The following CCDC148 variants were observed in gnomAD, a reference collection of about 807,000 sequenced individuals.
CCDC148 encodes coiled-coil domain-containing protein 148.
Under a neutral mutation model 85.7 loss-of-function variants are expected in CCDC148, and 89 were observed. The ratio of observed to expected loss-of-function variants is 1.04; its 90% CI spans 0.87 to 1.24. The LOEUF (loss-of-function observed/expected upper bound fraction) is 1.24, where lower values mean the gene tolerates loss of function less well. Ranked by LOEUF, CCDC148 falls within the 50% of genes most tolerant of loss-of-function variation. The probability of loss-of-function intolerance (pLI) is 0.00; values close to 1 mark genes in which losing one functional copy is unlikely to be tolerated. For missense variants in CCDC148, 692 were observed against 671.7 expected (o/e 1.03, Z -0.33); for synonymous variants, 230 against 213.9 (o/e 1.08, Z -0.66).
At chr2:158,247,492 T>C (rs1688614316) in intron 10 of CCDC148, among the ~76,000 whole-genome samples, 1 of 152,016 alleles carries the variant, frequency 6.6e-6, no homozygotes, top group Non-Finnish European at 1.5e-5. Flanking sequence ...GAACAAAACT[T>C]TGGAAACTTA....
chr2:158,372,960 C>A (rs1457345158), intron 1 of CCDC148, among the ~76,000 whole-genome samples: 1 of 152,012 alleles, frequency 6.6e-6, no homozygotes, highest in Non-Finnish European at 1.5e-5. Context: ...AGGTCGTAAT[C>A]CTCAGAACTT....
rs928217602 is a variant in CCDC148, at chr2:158,250,991, T to C, written c.1111-79A>G. ...CATAGGTCATAATAAGACTAGGCTC[T>C]ATATCAAGCAGATGTCACTTTTTTT... On this transcript the variant is annotated intron_variant, in intron 9 of 13. Transcript: ENST00000283233. 11 of 1,296,476 alleles carry C rather than the reference T, an allele frequency of 8.5e-6. No individual in the cohort carries two copies. The Middle Eastern group carries it at 5.7e-4, about 67-fold the overall frequency. 80.3% of individuals were successfully genotyped at this position (1,296,476 alleles called of 1,614,324 possible). A position where few individuals can be genotyped will look rare whatever the true frequency, so the allele number is the denominator to read the frequency against.
At chr2:158,254,112 A>G (rs1256723715) in intron 9 of CCDC148, among the ~76,000 whole-genome samples, 1 of 151,754 alleles carries the variant, frequency 6.6e-6, no homozygotes, top group Non-Finnish European at 1.5e-5. Context: ...ATAGACATTT[A>G]TGGAACATAT....
rs530964987 is a variant in CCDC148, at chr2:158,223,436, C to T, written c.1252-2723G>A. On this transcript the variant is annotated intron_variant, in intron 10 of 13. Coordinates refer to ENST00000283233, the MANE Select transcript of CCDC148 (RefSeq NM_138803.4). Reference sequence around the variant, plus strand: ...AAAAGGCAGCAGAAACCTCTGCAGACTTAAATGTCCCTGTCTGACAGCTTT... The same window carrying T: ...AAAAGGCAGCAGAAACCTCTGCAGATTTAAATGTCCCTGTCTGACAGCTTT... 2.6e-5 allele frequency among the ~76,000 whole-genome samples: 4 copies of T among 152,314 alleles called. No individual in the cohort carries two copies. The East Asian group carries it at 7.7e-4, about 29-fold the overall frequency.
chr2:158,417,831 T>TC (rs1166557780), intron 1 of CCDC148, among the ~76,000 whole-genome samples: 1 of 151,996 alleles, frequency 6.6e-6, no homozygotes, highest in Non-Finnish European at 1.5e-5. Context: ...CATTTGTAGA[T>TC]CCCCCTGAGG....
chr2:158,391,507 CT>C (rs1354704294), intron 1 of CCDC148, among the ~76,000 whole-genome samples: 1 of 152,136 alleles, frequency 6.6e-6, no homozygotes, highest in African/African-American at 2.4e-5. Context: ...GAAAAATGAT[CT>C]TTCCTTATTT....
At chr2:158,243,464 T>G (rs1315139500) in intron 10 of CCDC148, among the ~76,000 whole-genome samples, 1 of 152,136 alleles carries the variant, frequency 6.6e-6, no homozygotes, top group South Asian at 2.1e-4. Context: ...CCTCTGTGGA[T>G]TTTTTGGGAA....
chr2:158,324,378 A>T (rs928574230), intron 7 of CCDC148, among the ~76,000 whole-genome samples: 6 of 152,198 alleles, frequency 3.9e-5, no homozygotes, highest in Admixed American at 2.0e-4. Flanking sequence ...AACATATTCA[A>T]ACCATTTGTG....
intron 11 of CCDC148, among the ~76,000 whole-genome samples, chr2:158,190,791 C>T (rs1302662048): frequency 6.6e-6 from 1 of 151,850 alleles, no homozygotes; most frequent in Non-Finnish European, 1.5e-5. Flanking sequence ...CAAAATAATG[C>T]TTTTAAAAGT....
At chr2:158,433,091 A>ATATATATATATATATATATATATAT (rs57287790) in intron 1 of CCDC148, among the ~76,000 whole-genome samples, 2 of 51,342 alleles carry the variant, frequency 3.9e-5, no homozygotes, top group Non-Finnish European at 8.4e-5. Context: ...AAAAAAAAAA[A>ATATATATATATATATATATATATAT]ATATATATAT....
chr2:158,326,404 G>T (rs184510208), intron 7 of CCDC148, among the ~76,000 whole-genome samples: 1 of 151,950 alleles, frequency 6.6e-6, no homozygotes, highest in Non-Finnish European at 1.5e-5. Flanking sequence ...TAACACTACT[G>T]TGTATAATAT....
chr2:158,309,302 A>G lies in CCDC148; in HGVS notation c.1110+131T>C, dbSNP rs140345341. On this transcript the variant is annotated intron_variant, in intron 9 of 13. Coordinates refer to ENST00000283233, the MANE Select transcript of CCDC148 (RefSeq NM_138803.4). The stretch of plus-strand genomic sequence containing the variant: ...AAAAATGCAATTTTATACAGTTCAA[A>G]CTAACAGTTTTATTAAAGGTAGGCT... The G allele has an allele frequency of 5.1e-5, 38 of 739,128 alleles. No individual in the cohort carries two copies. The East Asian group carries it at 1.0e-3, about 20-fold the overall frequency. The allele number at this position is 739,128 out of a possible 1,614,324, so 45.8% of individuals were successfully genotyped here. A position where few individuals can be genotyped will look rare whatever the true frequency, so the allele number is the denominator to read the frequency against.
intron 1 of CCDC148, among the ~76,000 whole-genome samples, chr2:158,399,227 C>T (rs1435443870): frequency 1.3e-5 from 2 of 152,188 alleles, no homozygotes; most frequent in East Asian, 1.9e-4. Context: ...CCTTCTGAAA[C>T]TATTCCAATC....
chr2:158,365,695 T>C (rs1192346619), intron 1 of CCDC148, among the ~76,000 whole-genome samples: 2 of 151,914 alleles, frequency 1.3e-5, no homozygotes, highest in Non-Finnish European at 2.9e-5. Context: ...TTAGGAGAAA[T>C]ACCTAATGTA....
intron 1 of CCDC148, among the ~76,000 whole-genome samples, chr2:158,434,180 G>T (rs1687521728): frequency 6.6e-6 from 1 of 152,158 alleles, no homozygotes; most frequent in African/African-American, 2.4e-5. Context: ...CCTCAAGTGG[G>T]TCCCTGATCC....
intron 9 of CCDC148, among the ~76,000 whole-genome samples, chr2:158,276,555 CAAAA>C (rs1689956725): frequency 8.5e-4 from 4 of 4,724 alleles, no homozygotes; most frequent in African/African-American, 1.1e-3. Flanking sequence ...GACTCAGTCT[CAAAA>C]CAAAACAAAA....
At chr2:158,423,496 G>A (rs971972962) in intron 1 of CCDC148, among the ~76,000 whole-genome samples, 1 of 152,278 alleles carries the variant, frequency 6.6e-6, no homozygotes, top group East Asian at 1.9e-4. Flanking sequence ...ATGGTGCTGG[G>A]AAAACTGGCT....
At chr2:158,430,986 AAAAAAATCAATG>A (rs1687321565) in intron 1 of CCDC148, among the ~76,000 whole-genome samples, 1 of 152,038 alleles carries the variant, frequency 6.6e-6, no homozygotes, top group African/African-American at 2.4e-5. Flanking sequence ...TCTGCAGAAG[AAAAAAATCAATG>A]AACTTAAAGA....
chr2:158,343,738 C>A (rs1429264476), intron 3 of CCDC148, among the ~76,000 whole-genome samples: 1 of 152,148 alleles, frequency 6.6e-6, no homozygotes, highest in Non-Finnish European at 1.5e-5. Context: ...ACAAGGTAGT[C>A]ATTTCTCTAA....
Sources: allele counts gnomAD v4.1 joint callset (sites outside exome capture counted in the v4.1 genomes callset), GRCh38; gene constraint gnomAD v4.1.1; transcripts MANE v1.5; gene names NCBI Gene and HGNC (gene_info 2026-07-23, HGNC 2026-07-21).